The following UTRN variants were observed in gnomAD, a reference collection of about 807,000 sequenced individuals.
UTRN encodes the protein dystrophin-related protein 1.
UTRN carries 283 observed loss-of-function variants against 463.9 expected under a neutral mutation model. That is an observed-to-expected ratio of 0.61 (90% confidence interval 0.55 to 0.67). UTRN has a LOEUF of 0.67. Among genes scored for constraint, UTRN ranks in the 30% least tolerant of loss-of-function variants. UTRN has a pLI of 0.00. For missense variants in UTRN, 3,922 were observed against 4,084.3 expected, an observed-to-expected ratio of 0.96 and a Z score of 1.08; for synonymous variants, 1,442 against 1,431.5, an observed-to-expected ratio of 1.01 and a Z score of -0.17.
chr6:144,657,127 C>G (rs543927923), intron 51 of UTRN, among the ~76,000 whole-genome samples: 2 of 151,922 alleles, frequency 1.3e-5, no homozygotes, highest in Non-Finnish European at 2.9e-5. Context: ...GCGCATGCCT[C>G]TAATCCCAGC....
chr6:144,599,689 A>G (rs1359580159), intron 51 of UTRN, among the ~76,000 whole-genome samples: 1 of 152,228 alleles, frequency 6.6e-6, no homozygotes, highest in African/African-American at 2.4e-5. Flanking sequence ...AAAATGTAGT[A>G]GAAAGGAAGG....
At chr6:144,705,174 C>T (rs79375726) in intron 53 of UTRN, among the ~76,000 whole-genome samples, 15,133 of 151,838 alleles carry the variant, frequency 0.1, 985 homozygotes, top group Admixed American at 0.22. Context: ...GTTGTTGGCT[C>T]CTCATAGGTG....
chr6:144,605,541 T>G (rs1804752781), intron 51 of UTRN, among the ~76,000 whole-genome samples: 1 of 151,992 alleles, frequency 6.6e-6, no homozygotes, highest in African/African-American at 2.4e-5. Flanking sequence ...TGACAAGAGA[T>G]AACCTGTCAA....
intron 51 of UTRN, among the ~76,000 whole-genome samples, chr6:144,592,781 G>A (rs886993645): frequency 6.6e-6 from 1 of 152,112 alleles, no homozygotes; most frequent in Non-Finnish European, 1.5e-5. Context: ...CAGACAATAG[G>A]CAATACCAAT....
At chr6:144,745,474 A>C (rs985851694) in intron 54 of UTRN, among the ~76,000 whole-genome samples, 2 of 152,124 alleles carry the variant, frequency 1.3e-5, no homozygotes, top group African/African-American at 4.8e-5. Context: ...CTGCACTGGG[A>C]AACTCTTATT....
At chr6:144,471,312 A>G (rs1355892157) in intron 23 of UTRN, among the ~76,000 whole-genome samples, 1 of 152,194 alleles carries the variant, frequency 6.6e-6, no homozygotes, top group East Asian at 1.9e-4. Flanking sequence ...AGTCAAAGCC[A>G]ATTGTGGTTA....
chr6:144,430,905 T>G (rs933875273), intron 9 of UTRN, among the ~76,000 whole-genome samples: 14 of 152,076 alleles, frequency 9.2e-5, no homozygotes, highest in Admixed American at 7.2e-4. Context: ...TTCCCCCGTT[T>G]CAAAAATAGT....
chr6:144,371,313 C>T (rs2114711993), intron 2 of UTRN, among the ~76,000 whole-genome samples: 1 of 152,248 alleles, frequency 6.6e-6, no homozygotes, highest in Non-Finnish European at 1.5e-5. Context: ...GTAGATCTAG[C>T]ATGCTTTTTT....
intron 9 of UTRN, among the ~76,000 whole-genome samples, chr6:144,433,220 G>A (rs1197991726): frequency 9.9e-5 from 15 of 151,718 alleles, no homozygotes; most frequent in African/African-American, 3.6e-4. Flanking sequence ...CAGACGGGGT[G>A]GTGGCCGGGC....
intron 54 of UTRN, among the ~76,000 whole-genome samples, chr6:144,743,720 A>G (rs1790361365): frequency 6.6e-6 from 1 of 152,104 alleles, no homozygotes; most frequent in African/African-American, 2.4e-5. Flanking sequence ...TCATGGTATA[A>G]AGGAGAGCGT....
At chr6:144,723,425 T>C (rs1426840327) in intron 53 of UTRN, among the ~76,000 whole-genome samples, 1 of 152,214 alleles carries the variant, frequency 6.6e-6, no homozygotes, top group African/African-American at 2.4e-5. Context: ...TAATTTATTA[T>C]GCTCAAGCAT....
rs549184161 is a variant in UTRN at position 144,617,641 on chromosome 6, T to G, written c.7479+40353T>G. Among the ~76,000 whole-genome samples, 38 of 152,338 alleles carry G rather than the reference T, an allele frequency of 2.5e-4. No individual in the cohort carries two copies. The South Asian group carries it at 5.8e-3, about 23-fold the overall frequency. On this transcript the variant is annotated intron_variant, in intron 51 of 74. Transcript: ENST00000367545. ...GCCCTTGGGATTGCATTGAGTGAAC[T>G]TGGCCCCTGTACTTCTTCAGATCAT...
chr6:144,439,825 A>G lies in UTRN; in HGVS notation c.1393-527A>G, dbSNP rs539299026. Among the ~76,000 whole-genome samples, 6 of 152,262 alleles carry G rather than the reference A, an allele frequency of 3.9e-5. No individual in the cohort carries two copies. In the South Asian group the frequency reaches 8.3e-4, roughly 21 times the overall value. ...GCCTATAAATTTTCTATACACATGT[A>G]TCCAATGACTATGCTCTTCCCATGG... On this transcript the variant is annotated intron_variant, in intron 12 of 74. Coordinates refer to ENST00000367545, the MANE Select transcript of UTRN (RefSeq NM_007124.3).
rs573543899 is a variant in UTRN, at chr6:144,664,934, A to G, written c.7480-13472A>G. Among the ~76,000 whole-genome samples the G allele has an allele frequency of 2.6e-3, 399 of 152,148 alleles. 3 individuals carry two copies. The highest frequency in any genetic ancestry group is 8.8e-3 in the African/African-American group (366 of 41,520). ...CATTTTCAAAACCTAAAGCTCTGGC[A>G]GTAATCCTGCTGAGCTCCTGATAAT... On this transcript the variant is annotated intron_variant, in intron 51 of 74. Coordinates refer to ENST00000367545, the MANE Select transcript of UTRN (RefSeq NM_007124.3).
intron 34 of UTRN, among the ~76,000 whole-genome samples, chr6:144,507,058 C>T (rs546234497): frequency 6.6e-6 from 1 of 152,026 alleles, no homozygotes; most frequent in Admixed American, 6.5e-5. Flanking sequence ...ATCGATTCAG[C>T]TATTGATACA....
At chr6:144,768,135 T>G (rs2128731099) in intron 58 of UTRN, among the ~76,000 whole-genome samples, 1 of 152,332 alleles carries the variant, frequency 6.6e-6, no homozygotes, top group East Asian at 1.9e-4. Context: ...GTTGGTTCAT[T>G]GTGTTACATG....
At chr6:144,823,660 A>G (rs1389986360) in intron 66 of UTRN, among the ~76,000 whole-genome samples, 1 of 152,178 alleles carries the variant, frequency 6.6e-6, no homozygotes, top group African/African-American at 2.4e-5. Context: ...TATTCGATTA[A>G]TTTTATAACT....
chr6:144,518,177 A>G (rs564137012), intron 39 of UTRN, among the ~76,000 whole-genome samples: 4 of 152,196 alleles, frequency 2.6e-5, no homozygotes, highest in Non-Finnish European at 5.9e-5. Context: ...ATTATATCCC[A>G]TGGACATATT....
intron 51 of UTRN, among the ~76,000 whole-genome samples, chr6:144,578,162 T>G (rs540487221): frequency 1.3e-5 from 2 of 152,206 alleles, no homozygotes; most frequent in Non-Finnish European, 2.9e-5. Context: ...AAGATCGCAC[T>G]ACTACACTTC....
Sources: gnomAD v4.1 joint callset for allele counts (sites outside exome capture counted in the v4.1 genomes callset) on GRCh38, gnomAD v4.1.1 for gene constraint, MANE v1.5 for transcripts, NCBI Gene and HGNC (gene_info 2026-07-23, HGNC 2026-07-21) for gene names.